IL13RA1: variants seen among roughly 807,000 people sequenced by gnomAD.
IL13RA1 encodes interleukin 13 receptor subunit alpha 1, also known as interleukin-13 receptor subunit alpha-1.
In IL13RA1, 14 loss-of-function variants were observed where a neutral mutation model predicts 33.8. That is an observed-to-expected ratio of 0.41 (90% CI 0.27 to 0.65). The LOEUF is 0.65. Among genes scored for constraint, IL13RA1 ranks in the 30% least tolerant of loss-of-function variants. IL13RA1 has a pLI of 0.28. For synonymous variants in IL13RA1, 116 were observed against 115.7 expected (o/e 1.00, Z -0.02); for missense variants, 313 against 327.0 (o/e 0.96, Z 0.33).
intron 1 of IL13RA1, among the ~76,000 whole-genome samples, chrX:118,734,720 C>G (rs1197087127): frequency 2.7e-5 from 3 of 111,841 alleles, no homozygotes; most frequent in African/African-American, 9.7e-5. Flanking sequence ...CACTTTACTG[C>G]TATTTTGTTG....
chrX:118,731,470 G>A (rs994606327), intron 1 of IL13RA1, among the ~76,000 whole-genome samples: 11 of 109,835 alleles, frequency 1.0e-4, no homozygotes, highest in Admixed American at 2.9e-4. Context: ...CCAACTACTC[G>A]GAAGGCTGAG....
chrX:118,766,548 G>C lies in IL13RA1; in HGVS notation c.847G>C (p.Glu283Gln). The change falls in exon 7 of 11, where the codon GAG (glutamate) becomes CAG (glutamine). Residue 283 changes from glutamate to glutamine, a missense_variant. Coordinates refer to ENST00000371666, the MANE Select transcript of IL13RA1 (RefSeq NM_001560.3). ...NVFYVQEAKC[E>Q]NPEFERNVEN... is the part of the protein sequence containing the mutation. ...TTTCAAGGTCCAAGAGGCTAAATGTGAGAATCCAGAATTTGAGAGAAATGT... is the reference window on the plus strand; with the variant it reads ...TTTCAAGGTCCAAGAGGCTAAATGTCAGAATCCAGAATTTGAGAGAAATGT... 9.5e-7 allele frequency: 1 copy of C among 1,056,275 alleles called. No individual in the cohort carries two copies. The highest frequency in any genetic ancestry group is 1.3e-6 in the Non-Finnish European group (1 of 754,872). The allele number at this position is 1,056,275 out of a possible 1,213,427, so 87.0% of individuals were successfully genotyped here.
intron 8 of IL13RA1, among the ~76,000 whole-genome samples, chrX:118,769,175 A>C (rs144556853): frequency 0.011 from 1,246 of 112,707 alleles, 10 homozygotes; most frequent in Middle Eastern, 0.023. Flanking sequence ...TACACCAGGG[A>C]ATGAATATCA....
chrX:118,784,090 A>AAAATATATATAT lies in IL13RA1; in HGVS notation c.1191+7580_1191+7581insAATATATATATA, dbSNP rs1556372973. Among the ~76,000 whole-genome samples, 114 of 63,903 alleles carry AAAATATATATAT rather than the reference A, an allele frequency of 1.8e-3. 3 individuals are homozygous for AAAATATATATAT. The highest frequency in any genetic ancestry group is 0.014 in the Admixed American group (53 of 3,876). 55.5% of individuals were successfully genotyped at this position (63,903 alleles called of 115,157 possible). On this transcript the variant is annotated intron_variant, in intron 10 of 10. Coordinates refer to ENST00000371666, the MANE Select transcript of IL13RA1 (RefSeq NM_001560.3). ...AGACTCTGTCGCCAAAAAAAAAAAA[A>AAAATATATATAT]ATATATATATATATATATACGTATA...
intron 5 of IL13RA1, among the ~76,000 whole-genome samples, chrX:118,760,090 A>T (rs1452181041): frequency 8.9e-6 from 1 of 112,109 alleles, no homozygotes; most frequent in Non-Finnish European, 1.9e-5. Flanking sequence ...ACCATCATAA[A>T]CATTTTAAGT....
downstream of IL13RA1, among the ~76,000 whole-genome samples, chrX:118,794,825 T>G: frequency 8.9e-6 from 1 of 111,906 alleles, no homozygotes; most frequent in East Asian, 2.8e-4. Context: ...GTTGGTCCTT[T>G]CTAATATTAA....
At chrX:118,747,175 A>G (rs1454847195) in intron 3 of IL13RA1, 83 bp downstream of exon 3, 2 of 592,485 alleles carry the variant, frequency 3.4e-6, no homozygotes, top group Non-Finnish European at 5.4e-6. Flanking sequence ...TCATTAATTA[A>G]TTCAATTCTC....
chrX:118,803,511 T>C, the IL13RA1 span, among the ~76,000 whole-genome samples: 8 of 112,393 alleles, frequency 7.1e-5, no homozygotes, highest in Non-Finnish European at 1.3e-4. Flanking sequence ...TGCAATACCA[T>C]TATCACACTT....
At chrX:118,763,764 C>T (rs111513639) in intron 6 of IL13RA1, among the ~76,000 whole-genome samples, 1,232 of 111,215 alleles carry the variant, frequency 0.011, 27 homozygotes, top group African/African-American at 0.037. Flanking sequence ...ACCAAGAATA[C>T]TTAGCATAAT....
chrX:118,765,376 C>T (rs1301601863), intron 6 of IL13RA1, among the ~76,000 whole-genome samples: 6 of 110,941 alleles, frequency 5.4e-5, no homozygotes, highest in African/African-American at 2.0e-4. Context: ...TCCCAAAGTG[C>T]TGGGATTACA....
At chrX:118,778,197 A>T (rs1018532539) in intron 10 of IL13RA1, among the ~76,000 whole-genome samples, 1 of 112,127 alleles carries the variant, frequency 8.9e-6, no homozygotes, top group African/African-American at 3.2e-5. Flanking sequence ...ATTTATTTTT[A>T]TCTTTAATTC....
chrX:118,783,075 T>G (rs761401517), intron 10 of IL13RA1, among the ~76,000 whole-genome samples: 6 of 112,262 alleles, frequency 5.3e-5, no homozygotes, highest in Non-Finnish European at 1.1e-4. Flanking sequence ...TGAAGCTCAC[T>G]TCACTTCTGT....
intron 1 of IL13RA1, among the ~76,000 whole-genome samples, chrX:118,738,628 G>T (rs1238695794): frequency 9.0e-6 from 1 of 111,100 alleles, no homozygotes; most frequent in Non-Finnish European, 1.9e-5. Flanking sequence ...ACTGTTGGTG[G>T]GCACTTAGGT....
intron 1 of IL13RA1, among the ~76,000 whole-genome samples, chrX:118,738,681 A>G (rs1043481260): frequency 2.7e-5 from 3 of 110,800 alleles, no homozygotes; most frequent in Non-Finnish European, 5.7e-5. Flanking sequence ...TGCAGTGAAC[A>G]TACAGGTGCA....
At chrX:118,732,219 C>T (rs1473534663) in intron 1 of IL13RA1, among the ~76,000 whole-genome samples, 1 of 110,424 alleles carries the variant, frequency 9.1e-6, no homozygotes, top group Non-Finnish European at 1.9e-5. Flanking sequence ...TTTTCCCCTG[C>T]CCCTAGCCCC....
At chrX:118,730,030 T>A (rs2017198825) in intron 1 of IL13RA1, among the ~76,000 whole-genome samples, 1 of 112,456 alleles carries the variant, frequency 8.9e-6, no homozygotes, top group Non-Finnish European at 1.9e-5. Flanking sequence ...TTAGGCCGGG[T>A]GCAGTGGCTC....
intron 4 of IL13RA1, 120 bp downstream of exon 4, chrX:118,749,898 A>G (rs2017451875): frequency 2.1e-6 from 1 of 465,254 alleles, no homozygotes; most frequent in Non-Finnish European, 3.7e-6. Flanking sequence ...AACAAGATGG[A>G]CAGTTTGCTT....
intron 7 of IL13RA1, 48 bp downstream of exon 7, chrX:118,766,625 G>T (rs754770786): frequency 1.4e-6 from 1 of 718,056 alleles, no homozygotes; most frequent in Non-Finnish European, 2.2e-6. Context: ...TAGAGCAGTT[G>T]GGGGTGGAGC....
rs2017589437 is a variant in IL13RA1 at position 118,761,425 on chromosome X, A to G, written c.828+136A>G. 3.1e-5 allele frequency: 11 copies of G among 357,661 alleles called. No homozygotes were observed. In the South Asian group the frequency reaches 9.3e-4, roughly 30 times the overall value. 29.5% of individuals were successfully genotyped at this position (357,661 alleles called of 1,213,427 possible). A position where few individuals can be genotyped will look rare whatever the true frequency, so the allele number is the denominator to read the frequency against. On this transcript the variant is annotated intron_variant, in intron 6 of 10. Coordinates refer to ENST00000371666, the MANE Select transcript of IL13RA1 (RefSeq NM_001560.3). Reference sequence around the variant, plus strand: ...ATGGTAATGAAACTTCTTGTCTAAAATAAGGCATGGTGGAAGATTTGAAGA... The same window carrying G: ...ATGGTAATGAAACTTCTTGTCTAAAGTAAGGCATGGTGGAAGATTTGAAGA...
Sources: allele counts gnomAD v4.1 joint callset (sites outside exome capture counted in the v4.1 genomes callset), GRCh38; gene constraint gnomAD v4.1.1; transcripts MANE v1.5; gene names NCBI Gene and HGNC (gene_info 2026-07-23, HGNC 2026-07-21).